Variants in VGLL4 observed in about 807,000 individuals in gnomAD.
VGLL4 encodes transcription cofactor vestigial-like protein 4.
VGLL4 carries 7 observed loss-of-function variants against 21.0 expected under a neutral mutation model. The ratio of observed to expected loss-of-function variants is 0.33; its 90% CI spans 0.19 to 0.63. The LOEUF is 0.63. Among genes scored for constraint, VGLL4 ranks in the 20% least tolerant of loss-of-function variants. The pLI is 0.78. For missense variants in VGLL4, 394 were observed against 425.7 expected, an observed-to-expected ratio of 0.93 and a Z score of 0.66; for synonymous variants, 222 against 173.2, an observed-to-expected ratio of 1.28 and a Z score of -2.21.
At chr3:11,701,020 G>A (rs1402320794) in intron 2 of VGLL4, among the ~76,000 whole-genome samples, 2 of 152,142 alleles carry the variant, frequency 1.3e-5, no homozygotes, top group Non-Finnish European at 2.9e-5. Context: ...ATCACTGGTA[G>A]AATGATGATC....
At chr3:11,703,168 A>T in intron 1 of VGLL4, 1 of 830,282 alleles carries the variant, frequency 1.2e-6, no homozygotes, top group Non-Finnish European at 1.7e-6. Context: ...TAAGGATGAA[A>T]TTCTTCCCAC....
intron 2 of VGLL4, among the ~76,000 whole-genome samples, chr3:11,579,536 A>C (rs150602877): frequency 5.2e-4 from 79 of 152,370 alleles, no homozygotes; most frequent in African/African-American, 1.8e-3. Context: ...CTATAAAATC[A>C]TATTTCACCC....
intron 3 of VGLL4, 95 bp downstream of exon 3, chr3:11,564,701 AC>A: frequency 7.0e-7 from 1 of 1,419,944 alleles, no homozygotes; most frequent in Non-Finnish European, 9.5e-7. Flanking sequence ...TCCCTCCCTC[AC>A]CACCGCCCTC....
intron 1 of VGLL4, chr3:11,627,437 G>C (rs2075376480): frequency 1.3e-5 from 2 of 151,732 alleles, no homozygotes; most frequent in South Asian, 4.2e-4. Context: ...AAAATTAGCT[G>C]GGCGTGGGTT....
intron 1 of VGLL4, among the ~76,000 whole-genome samples, chr3:11,613,539 C>T (rs544998159): frequency 2.4e-4 from 36 of 152,294 alleles, no homozygotes; most frequent in Admixed American, 2.1e-3. Flanking sequence ...ATACCTCGCA[C>T]GTGGTCCCGG....
chr3:11,651,336 C>CAAAA, intron 2 of VGLL4, among the ~76,000 whole-genome samples: 1 of 108,252 alleles, frequency 9.2e-6, no homozygotes, highest in African/African-American at 3.2e-5. Flanking sequence ...GAGTGAGACT[C>CAAAA]AAAAAAAAAA....
At chr3:11,670,912 C>T (rs959576856) in intron 2 of VGLL4, among the ~76,000 whole-genome samples, 2 of 151,726 alleles carry the variant, frequency 1.3e-5, no homozygotes, top group Admixed American at 1.3e-4. Context: ...TGGCGCATGC[C>T]TGTAATTGCA....
intron 1 of VGLL4, among the ~76,000 whole-genome samples, chr3:11,711,058 C>T (rs1262333400): frequency 6.7e-6 from 1 of 150,292 alleles, no homozygotes; most frequent in Non-Finnish European, 1.5e-5. Flanking sequence ...TGAGATCGCA[C>T]CATAGCACTC....
At chr3:11,660,952 C>T (rs1264269662) in intron 2 of VGLL4, among the ~76,000 whole-genome samples, 2 of 152,166 alleles carry the variant, frequency 1.3e-5, no homozygotes, top group East Asian at 3.8e-4. Flanking sequence ...TACCAAACAG[C>T]AACAAAAGCA....
intron 1 of VGLL4, among the ~76,000 whole-genome samples, chr3:11,619,830 C>CG (rs1234202003): frequency 3.3e-5 from 5 of 152,156 alleles, no homozygotes; most frequent in African/African-American, 7.2e-5. Context: ...GGCATTAACT[C>CG]GAGTCTCCTT....
In VGLL4 at chr3:11,590,454, A is replaced by C. The variant is rs186884318; in HGVS notation, c.272+11379T>G. ...AAGAAGAAAGGCAAGAGGTAGTATA[A>C]GAAGTTGGAGGAGAGGGCAGTAGCA... On this transcript the variant is annotated intron_variant, in intron 2 of 4. Transcript: ENST00000430365. 7.2e-5 allele frequency among the ~76,000 whole-genome samples: 11 copies of C among 152,282 alleles called. No homozygotes were observed. The East Asian group carries it at 1.9e-3, about 27-fold the overall frequency.
intron 1 of VGLL4, among the ~76,000 whole-genome samples, chr3:11,617,390 G>A (rs974196196): frequency 3.9e-5 from 6 of 152,188 alleles, no homozygotes; most frequent in Admixed American, 3.3e-4. Flanking sequence ...CTGACGAGGC[G>A]GGTCACTGAC....
At chr3:11,699,952 T>C (rs772284961) in intron 2 of VGLL4, among the ~76,000 whole-genome samples, 3 of 152,210 alleles carry the variant, frequency 2.0e-5, no homozygotes, top group Non-Finnish European at 4.4e-5. Context: ...GAGTTCCTCT[T>C]TCCCTTAGCA....
Position 11,558,724 on chromosome 3 carries a change from G to A in VGLL4, c.723C>T (p.Gly241=). The A allele has an allele frequency of 6.2e-7, 1 of 1,614,158 alleles. No individual in the cohort carries two copies. The highest frequency in any genetic ancestry group is 8.5e-7 in the Non-Finnish European group (1 of 1,180,044). Reference sequence around the variant, plus strand: ...CTTTGGCAAAGTGGTCGTCCACGGAGCCCGTGATGGACACGGAGTTGGGTG... The same window carrying A: ...CTTTGGCAAAGTGGTCGTCCACGGAACCCGTGATGGACACGGAGTTGGGTG... ...EPAPNSVSIT[G]SVDDHFAKAL... The change falls in exon 5 of 5, where the codon GGC becomes GGT. Residue 241 remains glycine (G), a synonymous_variant. Transcript: ENST00000430365.
At chr3:11,673,885 G>A (rs567221851) in intron 2 of VGLL4, among the ~76,000 whole-genome samples, 6 of 151,862 alleles carry the variant, frequency 4.0e-5, no homozygotes, top group South Asian at 4.2e-4. Flanking sequence ...TGGTAGCGGC[G>A]CCTATAATCC....
intron 1 of VGLL4, among the ~76,000 whole-genome samples, chr3:11,623,455 G>A (rs916503934): frequency 2.6e-5 from 4 of 152,048 alleles, no homozygotes; most frequent in Admixed American, 6.6e-5. Flanking sequence ...TTCACATCCT[G>A]CAATATTTTC....
At chr3:11,681,082 C>CAT (rs1481284777) in intron 2 of VGLL4, among the ~76,000 whole-genome samples, 1 of 152,032 alleles carries the variant, frequency 6.6e-6, no homozygotes, top group Non-Finnish European at 1.5e-5. Flanking sequence ...CATTCCAAAT[C>CAT]ATATTTCTTT....
intron 1 of VGLL4, among the ~76,000 whole-genome samples, chr3:11,614,335 C>T (rs535838589): frequency 6.6e-6 from 1 of 152,370 alleles, no homozygotes; most frequent in Admixed American, 6.5e-5. Flanking sequence ...TCAAAAACTA[C>T]TCATTTCTCA....
In VGLL4 at chr3:11,574,785, A is replaced by ATGTGTGTGTGTGTG. The variant is rs375691226; in HGVS notation, c.273-9780_273-9767dup. On this transcript the variant is annotated intron_variant, in intron 2 of 4. Transcript: ENST00000430365. Reference sequence around the variant, plus strand: ...ACAATTACTGTCAATTCAACTATATATGTGTGTGTGTGTGTGTGTGTGTGT... The same window carrying ATGTGTGTGTGTGTG: ...ACAATTACTGTCAATTCAACTATATATGTGTGTGTGTGTGTGTGTGTGTGTGTGTGTGTGTGTGT... Among the ~76,000 whole-genome samples the ATGTGTGTGTGTGTG allele has an allele frequency of 1.9e-3, 232 of 121,778 alleles. 5 individuals are homozygous for ATGTGTGTGTGTGTG. Among genetic ancestry groups the ATGTGTGTGTGTGTG allele is most frequent in the East Asian group, 0.012 (41 of 3,400 alleles). 79.9% of individuals were successfully genotyped at this position (121,778 alleles called of 152,430 possible). A position where few individuals can be genotyped will look rare whatever the true frequency, so the allele number is the denominator to read the frequency against.
Sources: gnomAD v4.1 joint callset for allele counts (sites outside exome capture counted in the v4.1 genomes callset) on GRCh38, gnomAD v4.1.1 for gene constraint, MANE v1.5 for transcripts, NCBI Gene and HGNC (gene_info 2026-07-23, HGNC 2026-07-21) for gene names.